Variants in DHX30 observed in about 807,000 individuals in gnomAD.
DHX30 encodes ATP-dependent RNA helicase DHX30.
Under a neutral mutation model 116.9 loss-of-function variants are expected in DHX30, and 4 were observed. That is an observed-to-expected ratio of 0.03 (90% CI 0.02 to 0.08). DHX30 has a LOEUF of 0.08. Ranked by LOEUF, DHX30 falls within the 10% of genes least tolerant of loss-of-function variation. The pLI is 1.00. For synonymous variants in DHX30, 697 were observed against 651.7 expected (o/e 1.07, Z -1.06); for missense variants, 871 against 1,595.1 (o/e 0.55, Z 7.73).
intron 6 of DHX30, among the ~76,000 whole-genome samples, chr3:47,836,988 C>T (rs1306362520): frequency 6.6e-6 from 1 of 152,156 alleles, no homozygotes; most frequent in Non-Finnish European, 1.5e-5. Context: ...CTGCATTGCC[C>T]ATAGGCTTGG....
chr3:47,819,110 G>T (rs575791848), intron 4 of DHX30: 8 of 753,734 alleles, frequency 1.1e-5, no homozygotes, highest in Non-Finnish European at 1.4e-5. Context: ...GGATAGAAAT[G>T]AGTACTTCTA....
intron 3 of DHX30, among the ~76,000 whole-genome samples, chr3:47,814,007 T>G (rs1447054536): frequency 6.6e-6 from 1 of 151,180 alleles, no homozygotes; most frequent in Non-Finnish European, 1.5e-5. Context: ...TTGTGTTTAC[T>G]TACTAACCAG....
chr3:47,829,516 G>A (rs1054871847), intron 6 of DHX30, among the ~76,000 whole-genome samples: 1 of 151,208 alleles, frequency 6.6e-6, no homozygotes, highest in African/African-American at 2.4e-5. Flanking sequence ...GCTAATATTT[G>A]TATTTTTAGT....
At chr3:47,810,088 T>C (rs1159539466) in intron 2 of DHX30, among the ~76,000 whole-genome samples, 2 of 152,202 alleles carry the variant, frequency 1.3e-5, no homozygotes, top group African/African-American at 4.8e-5. Context: ...TGAAAAGCTT[T>C]TTATTCTGAA....
At chr3:47,814,318 T>C (rs1201317461) in intron 3 of DHX30, among the ~76,000 whole-genome samples, 2 of 147,584 alleles carry the variant, frequency 1.4e-5, no homozygotes, top group Non-Finnish European at 3.0e-5. Flanking sequence ...CCCAGCTACT[T>C]GGGAGGCTGA....
Position 47,829,050 on chromosome 3 carries a change from C to G in DHX30, c.282C>G (p.Pro94=), listed in dbSNP as rs777031954. 2 of 1,610,150 alleles carry G rather than the reference C, an allele frequency of 1.2e-6. No homozygotes were observed. The highest frequency in any genetic ancestry group is 4.5e-5 in the East Asian group (2 of 44,622). The change falls in exon 6 of 22, where the codon CCC becomes CCG. Residue 94 remains proline (P), a synonymous_variant. Transcript: ENST00000445061. ...KKKVTLHIKW[P]KSVEVEGYGS... is the part of the protein sequence containing the mutation. ...AAGTCACACTGCACATAAAATGGCC[C>G]AAGAGCGTGGAGGTAGAAGGCTATG...
intron 3 of DHX30, among the ~76,000 whole-genome samples, chr3:47,817,732 C>G (rs934872086): frequency 5.9e-5 from 9 of 152,192 alleles, no homozygotes; most frequent in African/African-American, 1.9e-4. Flanking sequence ...CAACTTAAGA[C>G]TAAGAGAAGT....
chr3:47,810,715 A>G lies in DHX30; in HGVS notation c.28+4A>G. ...AGCCTGGACTCATTCAGAAAAGGTAAGACTGCAACTGTGCTTGTGACCTCA... is the reference window on the plus strand; with the variant it reads ...AGCCTGGACTCATTCAGAAAAGGTAGGACTGCAACTGTGCTTGTGACCTCA... On this transcript the variant is annotated splice_donor_region_variant and intron_variant, in intron 3 of 21. Coordinates refer to ENST00000445061, the MANE Select transcript of DHX30 (RefSeq NM_138615.3). 6.2e-7 allele frequency: 1 copy of G among 1,614,038 alleles called. No homozygotes were observed. Among genetic ancestry groups the G allele is most frequent in the South Asian group, 1.1e-5 (1 of 91,080 alleles).
chr3:47,826,164 A>G (rs1447821178), intron 4 of DHX30: 2 of 152,244 alleles, frequency 1.3e-5, no homozygotes, highest in Non-Finnish European at 2.9e-5. Flanking sequence ...GCACATGTGC[A>G]TATATACAGC....
chr3:47,815,546 G>A (rs190763268), intron 3 of DHX30, among the ~76,000 whole-genome samples: 4 of 152,092 alleles, frequency 2.6e-5, no homozygotes, highest in African/African-American at 9.6e-5. Context: ...TGGGTCTTGT[G>A]GCTAGCTACC....
chr3:47,839,970 C>T (rs1248111627), intron 6 of DHX30, among the ~76,000 whole-genome samples: 2 of 151,302 alleles, frequency 1.3e-5, no homozygotes, highest in African/African-American at 2.4e-5. Context: ...CCACTGTGCC[C>T]GTCTGGCTAC....
chr3:47,823,057 C>T (rs1206832523), intron 4 of DHX30, among the ~76,000 whole-genome samples: 1 of 144,564 alleles, frequency 6.9e-6, no homozygotes, highest in African/African-American at 2.6e-5. Context: ...TGCACCACTG[C>T]ACTCCAGCCT....
intron 6 of DHX30, among the ~76,000 whole-genome samples, chr3:47,835,274 A>C (rs2037055148): frequency 6.6e-6 from 1 of 151,760 alleles, no homozygotes; most frequent in Admixed American, 6.6e-5. Context: ...CCTGGGTTCA[A>C]GCAGTTCTGT....
At chr3:47,825,330 G>T in intron 4 of DHX30, 1 of 537,302 alleles carries the variant, frequency 1.9e-6, no homozygotes, top group Non-Finnish European at 3.3e-6. Context: ...CCGAAATCGG[G>T]CCTGGCGGCC....
At chr3:47,824,989 C>T (rs1040267172) in intron 4 of DHX30, 7 of 545,184 alleles carry the variant, frequency 1.3e-5, no homozygotes, top group Non-Finnish European at 2.2e-5. Context: ...CGCTCCCGTT[C>T]TCTTCGCCCG....
intron 9 of DHX30, among the ~76,000 whole-genome samples, chr3:47,844,058 G>A (rs2037495405): frequency 6.6e-6 from 1 of 152,188 alleles, no homozygotes; most frequent in Non-Finnish European, 1.5e-5. Flanking sequence ...GTAGTGGGAG[G>A]GAGTTGGGAT....
At chr3:47,825,062 T>C (rs950337591) in intron 4 of DHX30, 1 of 665,034 alleles carries the variant, frequency 1.5e-6, no homozygotes, top group Admixed American at 2.2e-5. Flanking sequence ...AGGAGACTCA[T>C]GGCGCTGGCC....
chr3:47,803,362 G>C (rs966662430), intron 1 of DHX30, 150 bp downstream of exon 1: 3 of 375,756 alleles, frequency 8.0e-6, no homozygotes, highest in Non-Finnish European at 1.4e-5. Context: ...AGCAGGCCGG[G>C]CATCCTAGGC....
intron 5 of DHX30, among the ~76,000 whole-genome samples, chr3:47,827,751 T>C (rs1471252101): frequency 6.6e-6 from 1 of 152,196 alleles, no homozygotes; most frequent in Non-Finnish European, 1.5e-5. Flanking sequence ...GACTAAGGAC[T>C]GCAGAGGGTT....
Sources: allele counts gnomAD v4.1 joint callset (sites outside exome capture counted in the v4.1 genomes callset), GRCh38; gene constraint gnomAD v4.1.1; transcripts MANE v1.5; gene names NCBI Gene and HGNC (gene_info 2026-07-23, HGNC 2026-07-21).